MROH1: variants seen among roughly 807,000 people sequenced by gnomAD.
MROH1 encodes maestro heat-like repeat-containing protein family member 1.
A neutral mutation model predicts 116.5 loss-of-function variants in MROH1; 117 were observed. That is an observed-to-expected ratio of 1.00 (90% CI 0.86 to 1.17). The LOEUF (loss-of-function observed/expected upper bound fraction) is 1.17, where lower values mean the gene tolerates loss of function less well. MROH1 is among the 50% of genes most tolerant of loss of function. MROH1 has a pLI of 0.00. For synonymous variants in MROH1, 921 were observed against 583.9 expected (o/e 1.58, Z -8.32); for missense variants, 1,873 against 1,338.5 (o/e 1.40, Z -6.23).
At chr8:144,259,487 C>T in intron 37 of MROH1, 133 bp downstream of exon 37, 2 of 686,364 alleles carry the variant, frequency 2.9e-6, no homozygotes, top group Admixed American at 2.0e-5. Context: ...TGGATGCTAG[C>T]TACCTCCTCC....
chr8:144,157,702 A>T, intron 1 of MROH1, among the ~76,000 whole-genome samples: 1 of 132,608 alleles, frequency 7.5e-6, no homozygotes, highest in Non-Finnish European at 1.6e-5. Flanking sequence ...TTTTTTGAGA[A>T]GGGGTTGCTT....
chr8:144,258,672 A>G (rs1240118050), intron 35 of MROH1, 105 bp from the exon 36 acceptor site: 7 of 695,974 alleles, frequency 1.0e-5, no homozygotes, highest in Non-Finnish European at 1.0e-5. Context: ...GGATAGGGCT[A>G]GCCACCAGGT....
chr8:144,260,233 GGAC>G lies in MROH1; in HGVS notation c.4244_4246del (p.Asp1415del). 1.3e-6 allele frequency: 1 copy of G among 765,838 alleles called. No individual in the cohort carries two copies. 47.4% of individuals were successfully genotyped at this position (765,838 alleles called of 1,614,324 possible). ...TCCTCACAGCCATGATTGGCGGGCT[GGAC>G]GACGGGGACAACCCTCACAGCCCAG... On this transcript the variant is annotated inframe_deletion, in exon 39 of 44. Coordinates refer to ENST00000326134, the MANE Select transcript of MROH1 (RefSeq NM_032450.3).
chr8:144,231,337 C>T lies in MROH1; in HGVS notation c.1339-7419C>T, dbSNP rs563337747. ...TGAGCTGTTGGGCACACCTCCCAGACGGGGTGGTGGCCGGGCAGAGGGGCT... is the reference window on the plus strand; with the variant it reads ...TGAGCTGTTGGGCACACCTCCCAGATGGGGTGGTGGCCGGGCAGAGGGGCT... On this transcript the variant is annotated intron_variant, in intron 14 of 43. Transcript: ENST00000326134. Among the ~76,000 whole-genome samples the T allele has an allele frequency of 3.0e-4, 46 of 152,126 alleles. 1 individual carries two copies. The highest frequency in any genetic ancestry group is 5.0e-4 in the Non-Finnish European group (34 of 67,998).
At chr8:144,200,751 A>T (rs1830939455) in intron 12 of MROH1, 2 of 552,422 alleles carry the variant, frequency 3.6e-6, no homozygotes, top group Non-Finnish European at 6.6e-6. Flanking sequence ...ATGGTGGCTC[A>T]CACTTGCTTT....
intron 14 of MROH1, among the ~76,000 whole-genome samples, chr8:144,223,932 G>A (rs765582468): frequency 1.6e-4 from 25 of 152,348 alleles, no homozygotes; most frequent in Non-Finnish European, 2.8e-4. Context: ...AATTTAACTG[G>A]AAACATCTGA....
intron 22 of MROH1, among the ~76,000 whole-genome samples, 193 bp downstream of exon 22, chr8:144,241,710 C>A (rs895799844): frequency 6.6e-6 from 1 of 152,216 alleles, no homozygotes; most frequent in African/African-American, 2.4e-5. Flanking sequence ...AATGGCCTCC[C>A]GGAGGCAAAC....
chr8:144,193,634 G>T (rs1829161453), intron 10 of MROH1, among the ~76,000 whole-genome samples: 1 of 152,062 alleles, frequency 6.6e-6, no homozygotes, highest in Non-Finnish European at 1.5e-5. Flanking sequence ...TTGAGATGGA[G>T]TTTCGCTCTT....
At chr8:144,196,497 C>T (rs1455444911) in intron 10 of MROH1, among the ~76,000 whole-genome samples, 1 of 151,242 alleles carries the variant, frequency 6.6e-6, no homozygotes, top group African/African-American at 2.4e-5. Flanking sequence ...GCTGGGATTA[C>T]AGGCGCATGC....
chr8:144,196,464 C>T (rs1419396526), intron 10 of MROH1, among the ~76,000 whole-genome samples: 1 of 151,512 alleles, frequency 6.6e-6, no homozygotes, highest in Non-Finnish European at 1.5e-5. Context: ...TCAAGTCATT[C>T]TCCTGCCTCA....
intron 12 of MROH1, among the ~76,000 whole-genome samples, chr8:144,212,721 C>G (rs902899285): frequency 2.7e-5 from 4 of 150,672 alleles, no homozygotes; most frequent in African/African-American, 9.8e-5. Context: ...TCCCTACTAG[C>G]TGGGACTACA....
At chr8:144,186,685 G>T (rs1439804121) in intron 7 of MROH1, among the ~76,000 whole-genome samples, 1 of 151,344 alleles carries the variant, frequency 6.6e-6, no homozygotes, top group Non-Finnish European at 1.5e-5. Flanking sequence ...CTGTCCTGAC[G>T]GGGGGGTCAC....
At chr8:144,175,542 G>A in intron 4 of MROH1, 1 of 985,470 alleles carries the variant, frequency 1.0e-6, no homozygotes, top group Non-Finnish European at 1.2e-6. Context: ...CCCACTTAGA[G>A]CCTCAGCTCT....
rs4072202 is a variant in MROH1 at position 144,260,823 on chromosome 8, C to T, written c.4527C>T (p.Thr1509=). The part of the protein sequence containing the change: ...LLLHLQDPQA[T]VASACRFALR... The stretch of plus-strand genomic sequence containing the variant: ...TGCACCTGCAGGACCCTCAGGCCAC[C>T]GTGGCCAGCGTGAGTAGCCAGGGGG... Residue 1509 remains threonine, a synonymous_variant, in exon 40 of 44, where the codon ACC becomes ACT. Transcript: ENST00000326134. 0.44 allele frequency: 346,064 copies of T among 777,710 alleles called. 82,176 individuals carry two copies. The highest frequency in any genetic ancestry group is 0.66 in the East Asian group (27,041 of 41,226). 48.2% of individuals were successfully genotyped at this position (777,710 alleles called of 1,614,324 possible).
Position 144,168,383 on chromosome 8 carries a change from G to GGTGCGGCCGGTGGAGAC in MROH1, c.112_113insTGCGGCCGGTGGAGACG (p.Ala38ValfsTer35). 1 of 1,611,888 alleles carries GGTGCGGCCGGTGGAGAC rather than the reference G, an allele frequency of 6.2e-7. No homozygotes were observed. ...GCAGTGCCCTGTGCTCCCTCGGGGAGGCGCGGCCGGTGGAGACGCTCCGTG... is the reference window on the plus strand; with the variant it reads ...GCAGTGCCCTGTGCTCCCTCGGGGAGGTGCGGCCGGTGGAGACGCGCGGCCGGTGGAGACGCTCCGTG... On this transcript the variant is annotated frameshift_variant, in exon 4 of 44. Coordinates refer to ENST00000326134, the MANE Select transcript of MROH1 (RefSeq NM_032450.3). LOFTEE classifies it high-confidence loss of function.
At chr8:144,203,713 G>A (rs1336574155) in intron 12 of MROH1, among the ~76,000 whole-genome samples, 2 of 152,154 alleles carry the variant, frequency 1.3e-5, no homozygotes, top group East Asian at 1.9e-4. Context: ...AAGCATCTGC[G>A]TCAGCAGCAT....
At chr8:144,193,760 G>A (rs185992071) in intron 10 of MROH1, among the ~76,000 whole-genome samples, 4 of 151,702 alleles carry the variant, frequency 2.6e-5, no homozygotes, top group East Asian at 2.0e-4. Flanking sequence ...GGTGCCCACC[G>A]CCACACCTGG....
At chr8:144,171,978 C>T (rs371087122) in intron 4 of MROH1, among the ~76,000 whole-genome samples, 9 of 152,256 alleles carry the variant, frequency 5.9e-5, no homozygotes, top group East Asian at 1.9e-4. Context: ...GGACAACCAG[C>T]GAACATTAGG....
chr8:144,257,773 G>C (rs1057051522), intron 35 of MROH1, among the ~76,000 whole-genome samples: 1 of 152,240 alleles, frequency 6.6e-6, no homozygotes, highest in Non-Finnish European at 1.5e-5. Flanking sequence ...CACCACCAGC[G>C]GTCACCACAC....
Sources: gnomAD v4.1 joint callset for allele counts (sites outside exome capture counted in the v4.1 genomes callset) on GRCh38, gnomAD v4.1.1 for gene constraint, MANE v1.5 for transcripts, NCBI Gene and HGNC (gene_info 2026-07-23, HGNC 2026-07-21) for gene names.